Variants in KANK1 observed in about 807,000 individuals in gnomAD.
The protein encoded by KANK1 is KN motif and ankyrin repeat domain-containing protein 1.
In KANK1, 109 loss-of-function variants were observed where a neutral mutation model predicts 106.2. The ratio of observed to expected loss-of-function variants is 1.03; its 90% CI spans 0.88 to 1.20. KANK1 has a LOEUF of 1.20. Among genes scored for constraint, KANK1 ranks in the 50% most tolerant of loss-of-function variants. The pLI is 0.00. For missense variants in KANK1, 2,399 were observed against 1,710.7 expected (o/e 1.40, Z -7.10); for synonymous variants, 873 against 652.2 (o/e 1.34, Z -5.16).
chr9:650,427 A>C (rs573918821), intron 1 of KANK1, among the ~76,000 whole-genome samples: 4 of 152,340 alleles, frequency 2.6e-5, no homozygotes, highest in African/African-American at 9.6e-5. Flanking sequence ...TGCTTCTCAC[A>C]CTTTAATGTG....
At position 708,561 on chromosome 9, in the gene KANK1, C is replaced by T. The variant is rs1824977463; in HGVS notation, c.38-2243C>T. Among the ~76,000 whole-genome samples the T allele has an allele frequency of 2.0e-5, 3 of 152,140 alleles. No homozygotes were observed. The South Asian group carries it at 6.2e-4, about 32-fold the overall frequency. On this transcript the variant is annotated intron_variant, in intron 2 of 11. Coordinates refer to ENST00000382297, the MANE Select transcript of KANK1 (RefSeq NM_015158.5). Reference sequence around the variant, plus strand: ...GTAAGGAATATACGTCCTTTTTATTCCTCTGCTTGGCAATCTTATTTTTGT... The same window carrying T: ...GTAAGGAATATACGTCCTTTTTATTTCTCTGCTTGGCAATCTTATTTTTGT...
At chr9:613,796 G>C (rs187388689) in intron 1 of KANK1, among the ~76,000 whole-genome samples, 4 of 151,278 alleles carry the variant, frequency 2.6e-5, no homozygotes, top group Admixed American at 1.3e-4. Context: ...ACTTTCTGTT[G>C]TAAAAAAGAC....
At chr9:516,672 T>A (rs2059290398) in intron 1 of KANK1, among the ~76,000 whole-genome samples, 1 of 151,662 alleles carries the variant, frequency 6.6e-6, no homozygotes. Flanking sequence ...TAGCAAGGCC[T>A]TTTATGATGG....
intron 2 of KANK1, among the ~76,000 whole-genome samples, chr9:688,805 C>G (rs962368253): frequency 6.6e-6 from 1 of 152,078 alleles, no homozygotes; most frequent in Non-Finnish European, 1.5e-5. Flanking sequence ...GGAGGTGGTA[C>G]TCCAGTTGGT....
intron 1 of KANK1, among the ~76,000 whole-genome samples, chr9:567,490 C>G (rs1818090734): frequency 6.6e-6 from 1 of 152,198 alleles, no homozygotes; most frequent in South Asian, 2.1e-4. Context: ...CCAGGAATGA[C>G]GAAGGACAAC....
At chr9:740,770 T>C (rs1421421915) in intron 8 of KANK1, 22 bp from the exon 9 acceptor site, 1 of 52,424 alleles carries the variant, frequency 1.9e-5, no homozygotes, top group Admixed American at 1.3e-4. Context: ...CCTAAGAGAC[T>C]TTTTTTTTTT....
At chr9:672,237 T>C (rs182716473) in intron 1 of KANK1, among the ~76,000 whole-genome samples, 1 of 152,206 alleles carries the variant, frequency 6.6e-6, no homozygotes, top group African/African-American at 2.4e-5. Flanking sequence ...TTGTTTCTTA[T>C]GTATACAATG....
chr9:515,444 A>G (rs960285219), intron 1 of KANK1, among the ~76,000 whole-genome samples: 1 of 149,598 alleles, frequency 6.7e-6, no homozygotes, highest in African/African-American at 2.5e-5. Context: ...CTACACATTT[A>G]TTGTGTTTTT....
chr9:551,229 G>A lies in KANK1; in HGVS notation c.-84+46475G>A, dbSNP rs545319159. 1.1e-3 allele frequency among the ~76,000 whole-genome samples: 164 copies of A among 151,406 alleles called. 1 individual carries two copies. Among genetic ancestry groups the A allele is most frequent in the Admixed American group, 3.3e-3 (50 of 15,150 alleles). On this transcript the variant is annotated intron_variant, in intron 1 of 11. Coordinates refer to ENST00000382297, the MANE Select transcript of KANK1 (RefSeq NM_015158.5). Reference sequence around the variant, plus strand: ...AAAAGTGGAAAGATGAAGAATAAGGGCAAGCAGAAGACACACACATTTGCC... The same window carrying A: ...AAAAGTGGAAAGATGAAGAATAAGGACAAGCAGAAGACACACACATTTGCC...
chr9:664,855 A>G (rs1844208638), intron 1 of KANK1, among the ~76,000 whole-genome samples: 1 of 152,044 alleles, frequency 6.6e-6, no homozygotes, highest in Non-Finnish European at 1.5e-5. Context: ...GTCTTTTTTG[A>G]TAAAAGCTAT....
intron 2 of KANK1, among the ~76,000 whole-genome samples, chr9:684,813 C>G (rs34493047): frequency 6.6e-6 from 1 of 151,980 alleles, no homozygotes; most frequent in Non-Finnish European, 1.5e-5. Context: ...GGCTCCTTTT[C>G]TATAAAAGGT....
At chr9:616,293 A>C (rs1044491005) in intron 1 of KANK1, among the ~76,000 whole-genome samples, 1 of 152,174 alleles carries the variant, frequency 6.6e-6, no homozygotes, top group African/African-American at 2.4e-5. Flanking sequence ...AGTCCTCAGC[A>C]TTTAGGTGAT....
intron 3 of KANK1, among the ~76,000 whole-genome samples, chr9:481,140 A>G (rs2058196637): frequency 6.6e-6 from 1 of 152,232 alleles, no homozygotes; most frequent in Non-Finnish European, 1.5e-5. Context: ...AATTTATTGA[A>G]TACTGGACTG....
At chr9:716,507 A>G (rs774573275) in intron 3 of KANK1, among the ~76,000 whole-genome samples, 6 of 152,230 alleles carry the variant, frequency 3.9e-5, no homozygotes, top group Admixed American at 2.0e-4. Context: ...TTGTATCAAT[A>G]TAAAGAAGTA....
intron 2 of KANK1, among the ~76,000 whole-genome samples, chr9:696,344 A>C (rs1821304623): frequency 6.6e-6 from 1 of 152,132 alleles, no homozygotes; most frequent in South Asian, 2.1e-4. Flanking sequence ...TCTGGTAGAG[A>C]AACACAGGCA....
intron 1 of KANK1, among the ~76,000 whole-genome samples, chr9:636,109 C>G (rs959393360): frequency 6.6e-6 from 1 of 152,172 alleles, no homozygotes; most frequent in Non-Finnish European, 1.5e-5. Flanking sequence ...GAGGAGCTTT[C>G]AAACAATATG....
chr9:691,529 A>G lies in KANK1; in HGVS notation c.37+14520A>G, dbSNP rs1309551827. Reference sequence around the variant, plus strand: ...TCCTGCCTTGGCCTCCCAAAGTGCTAGGATTGCGGGCATGAGCCACTGCAC... The same window carrying G: ...TCCTGCCTTGGCCTCCCAAAGTGCTGGGATTGCGGGCATGAGCCACTGCAC... On this transcript the variant is annotated intron_variant, in intron 2 of 11. Coordinates refer to ENST00000382297, the MANE Select transcript of KANK1 (RefSeq NM_015158.5). 2.7e-5 allele frequency among the ~76,000 whole-genome samples: 4 copies of G among 150,478 alleles called. No homozygotes were observed. In the East Asian group the frequency reaches 5.9e-4, roughly 22 times the overall value.
At chr9:681,022 TG>T in intron 2 of KANK1, 1 of 152,470 alleles carries the variant, frequency 6.6e-6, no homozygotes, top group Non-Finnish European at 1.5e-5. Context: ...AAGACCGGTG[TG>T]GGGAACATAG....
At chr9:716,140 T>C (rs954690418) in intron 3 of KANK1, among the ~76,000 whole-genome samples, 3 of 152,240 alleles carry the variant, frequency 2.0e-5, no homozygotes, top group Non-Finnish European at 4.4e-5. Context: ...TGATCACTTA[T>C]ATGAACCTAA....
Sources: allele counts gnomAD v4.1 joint callset (sites outside exome capture counted in the v4.1 genomes callset), GRCh38; gene constraint gnomAD v4.1.1; transcripts MANE v1.5; gene names NCBI Gene and HGNC (gene_info 2026-07-23, HGNC 2026-07-21).